The following TSHR variants were observed in gnomAD, a reference collection of about 807,000 sequenced individuals.
The protein encoded by TSHR is thyrotropin receptor.
A neutral mutation model predicts 64.1 loss-of-function variants in TSHR; 51 were observed. The ratio of observed to expected loss-of-function variants is 0.80; its 90% confidence interval spans 0.64 to 1.01. The LOEUF is 1.01. TSHR is among the 50% of genes least tolerant of loss of function. The probability of loss-of-function intolerance (pLI) is 0.00; values close to 1 mark genes in which losing one functional copy is unlikely to be tolerated. For missense variants in TSHR, 877 were observed against 942.8 expected, an observed-to-expected ratio of 0.93 and a Z score of 0.91; for synonymous variants, 361 against 361.9, an observed-to-expected ratio of 1.00 and a Z score of 0.03.
chr14:81,009,048 A>G (rs931314631), intron 1 of TSHR, among the ~76,000 whole-genome samples: 1 of 152,232 alleles, frequency 6.6e-6, no homozygotes, highest in South Asian at 2.1e-4. Context: ...AGAGGCCTAC[A>G]GTGTTAATTC....
intron 1 of TSHR, among the ~76,000 whole-genome samples, chr14:80,971,512 G>T (rs541583604): frequency 6.6e-6 from 1 of 152,350 alleles, no homozygotes; most frequent in South Asian, 2.1e-4. Flanking sequence ...ATGTGTTCCA[G>T]TGAAGACATA....
chr14:81,044,460 T>A (rs1436765725), intron 1 of TSHR, among the ~76,000 whole-genome samples: 1 of 151,990 alleles, frequency 6.6e-6, no homozygotes, highest in East Asian at 1.9e-4. Context: ...AGATTGAGAC[T>A]ATCCTGGCTA....
chr14:80,986,028 T>A (rs1888430362), intron 1 of TSHR, among the ~76,000 whole-genome samples: 4 of 152,216 alleles, frequency 2.6e-5, no homozygotes, highest in Admixed American at 2.6e-4. Flanking sequence ...TTCCCCATGA[T>A]CATCTTTCTA....
intron 1 of TSHR, among the ~76,000 whole-genome samples, chr14:81,037,122 A>G (rs1230552663): frequency 6.6e-6 from 1 of 151,564 alleles, no homozygotes; most frequent in Non-Finnish European, 1.5e-5. Context: ...AGCCCAGGCA[A>G]CAAAGCAAGA....
At chr14:81,005,306 T>A (rs768514438) in intron 1 of TSHR, among the ~76,000 whole-genome samples, 12 of 152,124 alleles carry the variant, frequency 7.9e-5, no homozygotes, top group Non-Finnish European at 1.2e-4. Flanking sequence ...ATTGGCACTC[T>A]GAAATATATG....
intron 1 of TSHR, among the ~76,000 whole-genome samples, chr14:80,960,103 A>G (rs1489520165): frequency 6.6e-6 from 1 of 152,234 alleles, no homozygotes; most frequent in Non-Finnish European, 1.5e-5. Context: ...TATTAAAGAG[A>G]TAACAATCTG....
chr14:81,068,215 C>A (rs1566791129), intron 2 of TSHR, 39 bp from the exon 3 acceptor site: 1 of 1,596,056 alleles, frequency 6.3e-7, no homozygotes, highest in Middle Eastern at 1.7e-4. Flanking sequence ...TACAACCTTA[C>A]TAACTTTCTA....
At chr14:81,126,281 TACAAACCTTTGTAGCTCTTCA>T (rs1891017724) in intron 8 of TSHR, among the ~76,000 whole-genome samples, 1 of 152,194 alleles carries the variant, frequency 6.6e-6, no homozygotes, top group Admixed American at 6.5e-5. Flanking sequence ...CTCAAAATCA[TACAAACCTTTGTAGCTCTTCA>T]ACTGACTAAC....
intron 1 of TSHR, among the ~76,000 whole-genome samples, chr14:81,019,837 A>G (rs1376990997): frequency 6.6e-6 from 1 of 151,972 alleles, no homozygotes; most frequent in Admixed American, 6.6e-5. Context: ...TGTGCGCCAC[A>G]TTTTCTTTAT....
At chr14:80,981,523 T>C (rs372215407) in intron 1 of TSHR, among the ~76,000 whole-genome samples, 1 of 152,240 alleles carries the variant, frequency 6.6e-6, no homozygotes, top group East Asian at 1.9e-4. Context: ...TAGAGGACTC[T>C]TCTTTTGTGG....
intron 3 of TSHR, among the ~76,000 whole-genome samples, chr14:81,073,441 A>C (rs1204759163): frequency 2.0e-5 from 3 of 152,154 alleles, no homozygotes; most frequent in Admixed American, 2.0e-4. Context: ...TCAAAGACAC[A>C]TGGAACATTT....
chr14:81,072,857 C>T (rs1208977414), intron 3 of TSHR, among the ~76,000 whole-genome samples: 3 of 138,362 alleles, frequency 2.2e-5, no homozygotes, highest in Admixed American at 7.0e-5. Context: ...ATTAGCCGGG[C>T]GTAGTGGCGG....
At chr14:80,980,430 T>C (rs1212567233) in intron 1 of TSHR, among the ~76,000 whole-genome samples, 2 of 152,234 alleles carry the variant, frequency 1.3e-5, no homozygotes, top group East Asian at 1.9e-4. Flanking sequence ...ATCCACTTTT[T>C]CCTTCTCTCC....
intron 3 of TSHR, 169 bp downstream of exon 3, chr14:81,068,497 T>C (rs1334787813): frequency 3.2e-6 from 2 of 634,402 alleles, no homozygotes; most frequent in Non-Finnish European, 5.7e-6. Flanking sequence ...TAATTCATCT[T>C]CATTACACCT....
At chr14:81,123,756 C>T (rs1032960634) in intron 8 of TSHR, among the ~76,000 whole-genome samples, 3 of 152,142 alleles carry the variant, frequency 2.0e-5, no homozygotes, top group Admixed American at 2.0e-4. Flanking sequence ...TATCTAGAGT[C>T]AGAGGATCTA....
At chr14:81,048,388 T>G (rs1885274019) in intron 1 of TSHR, among the ~76,000 whole-genome samples, 1 of 152,170 alleles carries the variant, frequency 6.6e-6, no homozygotes, top group Non-Finnish European at 1.5e-5. Flanking sequence ...TTCCTATATC[T>G]ACATGGGCTT....
chr14:80,971,227 A>C (rs1294549929), intron 1 of TSHR, among the ~76,000 whole-genome samples: 1 of 152,136 alleles, frequency 6.6e-6, no homozygotes, highest in Non-Finnish European at 1.5e-5. Flanking sequence ...CAGATTTCTT[A>C]CTAGACTAGC....
chr14:81,035,702 T>TCCC, intron 1 of TSHR, among the ~76,000 whole-genome samples: 1 of 152,104 alleles, frequency 6.6e-6, no homozygotes, highest in Middle Eastern at 3.4e-3. Context: ...AGGAAATGGG[T>TCCC]AATGCTTGTG....
chr14:81,073,017 A>AAAAAAAAAAAAATAT (rs1555376957), intron 3 of TSHR, among the ~76,000 whole-genome samples: 3 of 91,196 alleles, frequency 3.3e-5, no homozygotes, highest in African/African-American at 1.3e-4. Flanking sequence ...AAAAATAAAA[A>AAAAAAAAAAAAATAT]ATAAATATAT....
Sources: gnomAD v4.1 joint callset for allele counts (sites outside exome capture counted in the v4.1 genomes callset) on GRCh38, gnomAD v4.1.1 for gene constraint, MANE v1.5 for transcripts, NCBI Gene and HGNC (gene_info 2026-07-23, HGNC 2026-07-21) for gene names.